PDE4B: variants seen among roughly 807,000 people sequenced by gnomAD.
The protein encoded by PDE4B is phosphodiesterase 4B.
Under a neutral mutation model 82.2 loss-of-function variants are expected in PDE4B, and 20 were observed. That is an observed-to-expected ratio of 0.24 (90% CI 0.17 to 0.35). The LOEUF is 0.35. Ranked by LOEUF, PDE4B falls within the 10% of genes least tolerant of loss-of-function variation. PDE4B has a pLI of 1.00. For synonymous variants in PDE4B, 320 were observed against 318.9 expected, an observed-to-expected ratio of 1.00 and a Z score of -0.04; for missense variants, 655 against 907.2, an observed-to-expected ratio of 0.72 and a Z score of 3.57.
At chr1:65,834,488 C>T (rs961773283) in intron 1 of PDE4B, among the ~76,000 whole-genome samples, 10 of 152,212 alleles carry the variant, frequency 6.6e-5, no homozygotes, top group Non-Finnish European at 1.5e-4. Flanking sequence ...TTAAGGTTCA[C>T]GTCTATATGC....
At chr1:66,370,538 C>A (rs748971563) in intron 16 of PDE4B, among the ~76,000 whole-genome samples, 44 of 152,126 alleles carry the variant, frequency 2.9e-4, no homozygotes, top group Non-Finnish European at 1.5e-4. Flanking sequence ...CTTCCTGTTG[C>A]CATGACATCG....
At chr1:66,363,701 C>T (rs1022864294) in intron 12 of PDE4B, 130 bp downstream of exon 12, 3 of 677,780 alleles carry the variant, frequency 4.4e-6, no homozygotes, top group African/African-American at 1.8e-5. Context: ...TGCTTGAGCC[C>T]AGGGGTTCAA....
intron 1 of PDE4B, among the ~76,000 whole-genome samples, chr1:65,849,948 A>C (rs1646311336): frequency 6.6e-6 from 1 of 152,134 alleles, no homozygotes; most frequent in Admixed American, 6.5e-5. Flanking sequence ...TGGTAAATGC[A>C]TAGGAGCACA....
intron 6 of PDE4B, among the ~76,000 whole-genome samples, chr1:66,264,125 T>A (rs1654872280): frequency 1.3e-5 from 2 of 152,122 alleles, no homozygotes; most frequent in Non-Finnish European, 2.9e-5. Context: ...AATTTTAAAG[T>A]GCTACAAAAG....
chr1:66,007,386 G>A (rs1248724203), intron 3 of PDE4B, among the ~76,000 whole-genome samples: 3 of 152,124 alleles, frequency 2.0e-5, no homozygotes, highest in Non-Finnish European at 4.4e-5. Context: ...GGAGTTTGCA[G>A]TGAGCCGAGA....
chr1:66,302,348 C>A (rs1657956291), intron 7 of PDE4B, among the ~76,000 whole-genome samples: 1 of 152,210 alleles, frequency 6.6e-6, no homozygotes, highest in African/African-American at 2.4e-5. Context: ...GTTACCACCA[C>A]ATACGCTGTC....
rs143396824 is a variant in PDE4B at position 66,208,833 on chromosome 1, T to C, written c.282-38627T>C. Among the ~76,000 whole-genome samples the C allele has an allele frequency of 8.1e-3, 1,236 of 152,306 alleles. 10 individuals are homozygous for C. Among genetic ancestry groups the C allele is most frequent in the African/African-American group, 0.028 (1,178 of 41,558 alleles). On this transcript the variant is annotated intron_variant, in intron 3 of 16. Coordinates refer to ENST00000341517, the MANE Select transcript of PDE4B (RefSeq NM_002600.4). ...TACTGTGCTAAATGCTTAGCTTGCA[T>C]TATCTCATTTAATTCTTACCAAAAC...
intron 3 of PDE4B, among the ~76,000 whole-genome samples, chr1:66,135,189 T>G (rs1225466363): frequency 6.6e-6 from 1 of 152,184 alleles, no homozygotes; most frequent in African/African-American, 2.4e-5. Context: ...GCACTTACAG[T>G]TGGAAGCAAT....
chr1:66,294,114 G>C (rs1364320576), intron 7 of PDE4B, among the ~76,000 whole-genome samples: 1 of 152,154 alleles, frequency 6.6e-6, no homozygotes, highest in Non-Finnish European at 1.5e-5. Flanking sequence ...GCTGAGGCAG[G>C]AGAATCACTT....
At chr1:66,024,518 A>G (rs1413297488) in intron 3 of PDE4B, among the ~76,000 whole-genome samples, 1 of 152,118 alleles carries the variant, frequency 6.6e-6, no homozygotes, top group African/African-American at 2.4e-5. Context: ...CTTTAAATAG[A>G]TTTTTCCAGT....
intron 3 of PDE4B, among the ~76,000 whole-genome samples, chr1:66,229,833 C>T (rs965043273): frequency 2.0e-4 from 31 of 152,148 alleles, no homozygotes; most frequent in Non-Finnish European, 7.3e-5. Context: ...TTAGCTCTCT[C>T]TTCTATTGCT....
At chr1:65,890,661 G>A (rs1557801331) in intron 1 of PDE4B, among the ~76,000 whole-genome samples, 1 of 152,028 alleles carries the variant, frequency 6.6e-6, no homozygotes, top group African/African-American at 2.4e-5. Flanking sequence ...CGAGAGTGGT[G>A]GGGTTTAAGC....
intron 3 of PDE4B, among the ~76,000 whole-genome samples, chr1:66,108,058 T>C (rs542414758): frequency 6.6e-6 from 1 of 152,086 alleles, no homozygotes; most frequent in South Asian, 2.1e-4. Context: ...CATACTTATT[T>C]CTTTGTAGTG....
chr1:66,106,859 G>GGTTTA (rs1263226598), intron 3 of PDE4B, among the ~76,000 whole-genome samples: 1 of 58,066 alleles, frequency 1.7e-5, no homozygotes. Context: ...CTAGCATTCT[G>GGTTTA]TCAATTTTGT....
chr1:65,807,841 G>A (rs149926858), intron 1 of PDE4B, among the ~76,000 whole-genome samples: 11 of 152,316 alleles, frequency 7.2e-5, no homozygotes, highest in African/African-American at 2.6e-4. Context: ...GTTGGTGTCA[G>A]TAGAAGGTAT....
At position 66,332,401 on chromosome 1, in the gene PDE4B, C is replaced by T. The variant is rs563631617; in HGVS notation, c.635-107C>T. ...CCAGCGTGCAAATAATGAAGGAGCA[C>T]GGGGGCACCTTCAGTAGCACCGGAA... is the stretch of plus-strand genomic sequence containing the variant. On this transcript the variant is annotated intron_variant, in intron 7 of 16. Coordinates refer to ENST00000341517, the MANE Select transcript of PDE4B (RefSeq NM_002600.4). The T allele has an allele frequency of 9.9e-6, 16 of 1,613,992 alleles. No individual in the cohort carries two copies. In the East Asian group the frequency reaches 1.3e-4, roughly 13 times the overall value.
intron 3 of PDE4B, among the ~76,000 whole-genome samples, chr1:66,016,299 A>G (rs1240285952): frequency 2.0e-5 from 3 of 152,240 alleles, no homozygotes; most frequent in Admixed American, 1.3e-4. Context: ...AAGGTTAGAG[A>G]GAATTTAAAA....
At chr1:65,812,723 G>T (rs1005692663) in intron 1 of PDE4B, among the ~76,000 whole-genome samples, 1 of 152,264 alleles carries the variant, frequency 6.6e-6, no homozygotes, top group South Asian at 2.1e-4. Flanking sequence ...CTGAGGGGAC[G>T]ACTGTCTCAG....
chr1:66,119,416 A>G lies in PDE4B; in HGVS notation c.282-128044A>G, dbSNP rs561232017. ...TAGAACACAGAGAAGCTGCCTCTGC[A>G]GCTGGCAACATGTATGGGTAATGGA... On this transcript the variant is annotated intron_variant, in intron 3 of 16. Transcript: ENST00000341517. 4.6e-5 allele frequency among the ~76,000 whole-genome samples: 7 copies of G among 152,356 alleles called. 1 individual carries two copies. The South Asian group carries it at 1.4e-3, about 32-fold the overall frequency.
Sources: allele counts gnomAD v4.1 joint callset (sites outside exome capture counted in the v4.1 genomes callset), GRCh38; gene constraint gnomAD v4.1.1; transcripts MANE v1.5; gene names NCBI Gene and HGNC (gene_info 2026-07-23, HGNC 2026-07-21).